Variants in CPQ observed in about 807,000 individuals in gnomAD.
CPQ encodes the protein Ser-Met dipeptidase.
Under a neutral mutation model 45.7 loss-of-function variants are expected in CPQ, and 37 were observed. The ratio of observed to expected loss-of-function variants is 0.81; its 90% CI spans 0.62 to 1.07. CPQ has a LOEUF of 1.07. Ranked by LOEUF, CPQ falls within the 50% of genes least tolerant of loss-of-function variation. The pLI is 0.00. For missense variants in CPQ, 537 were observed against 572.9 expected (o/e 0.94, Z 0.64); for synonymous variants, 186 against 205.8 (o/e 0.90, Z 0.82).
At chr8:96,964,515 G>A (rs1168476927) in intron 4 of CPQ, among the ~76,000 whole-genome samples, 1 of 151,806 alleles carries the variant, frequency 6.6e-6, no homozygotes, top group Admixed American at 6.6e-5. Context: ...TGAATTGTCT[G>A]TTCATATACA....
intron 4 of CPQ, among the ~76,000 whole-genome samples, chr8:96,892,815 C>T (rs1051096416): frequency 4.6e-5 from 7 of 152,086 alleles, no homozygotes; most frequent in African/African-American, 1.7e-4. Flanking sequence ...CTCTTTCCTC[C>T]AATCAAGTCA....
In CPQ at chr8:96,798,852, C is replaced by CAG. The variant is rs368781225; in HGVS notation, c.433+13522_433+13523insAG. 2.3e-3 allele frequency among the ~76,000 whole-genome samples: 347 copies of CAG among 152,180 alleles called. 4 individuals are homozygous for CAG. The highest frequency in any genetic ancestry group is 8.2e-3 in the African/African-American group (339 of 41,506). On this transcript the variant is annotated intron_variant, in intron 2 of 7. Transcript: ENST00000220763. Reference sequence around the variant, plus strand: ...TCACATGGTTATCTCCTCTGAAAAACTGACCTTCTCCATGGTAAAAGCCAC... The same window carrying CAG: ...TCACATGGTTATCTCCTCTGAAAAACAGTGACCTTCTCCATGGTAAAAGCCAC...
At chr8:97,060,436 A>G (rs928480637) in intron 6 of CPQ, among the ~76,000 whole-genome samples, 1 of 152,146 alleles carries the variant, frequency 6.6e-6, no homozygotes, top group African/African-American at 2.4e-5. Flanking sequence ...TGATCTGACC[A>G]TAAGAGGTTA....
In CPQ at chr8:96,997,553, T is replaced by C. The variant is rs1444689055; in HGVS notation, c.961+31507T>C. ...TCTGTTTTTAAATTCCAAATAACATTAGTTGAGAGATGCATCTTTGACATA... is the reference window on the plus strand; with the variant it reads ...TCTGTTTTTAAATTCCAAATAACATCAGTTGAGAGATGCATCTTTGACATA... On this transcript the variant is annotated intron_variant, in intron 5 of 7. Coordinates refer to ENST00000220763, the MANE Select transcript of CPQ (RefSeq NM_016134.4). Among the ~76,000 whole-genome samples, 4 of 152,130 alleles carry C rather than the reference T, an allele frequency of 2.6e-5. No individual in the cohort carries two copies. The East Asian group carries it at 7.7e-4, about 29-fold the overall frequency.
intron 1 of CPQ, among the ~76,000 whole-genome samples, chr8:96,675,620 TAG>T (rs1219769231): frequency 6.6e-6 from 1 of 152,086 alleles, no homozygotes; most frequent in Non-Finnish European, 1.5e-5. Flanking sequence ...TGCATGTATG[TAG>T]ACTCTTCTCC....
At chr8:96,999,348 C>T (rs757972886) in intron 5 of CPQ, among the ~76,000 whole-genome samples, 6 of 151,416 alleles carry the variant, frequency 4.0e-5, no homozygotes, top group Non-Finnish European at 7.4e-5. Context: ...GCTATTAAGC[C>T]TAGAACCCAT....
intron 1 of CPQ, among the ~76,000 whole-genome samples, chr8:96,645,856 T>C (rs1442758326): frequency 6.6e-6 from 1 of 151,598 alleles, no homozygotes; most frequent in African/African-American, 2.4e-5. Context: ...ACCGTGTACT[T>C]TCGCTTTTGA....
At chr8:96,908,967 C>T (rs1437043113) in intron 4 of CPQ, among the ~76,000 whole-genome samples, 1 of 152,136 alleles carries the variant, frequency 6.6e-6, no homozygotes, top group Non-Finnish European at 1.5e-5. Context: ...AGTGTCTCAC[C>T]AACTGTATTT....
chr8:96,779,411 C>T (rs1337295042), intron 1 of CPQ, among the ~76,000 whole-genome samples: 3 of 152,010 alleles, frequency 2.0e-5, no homozygotes, highest in East Asian at 1.9e-4. Context: ...GTTTCTATTT[C>T]GTGTAAATGC....
At chr8:96,869,235 C>T (rs1163846629) in intron 3 of CPQ, among the ~76,000 whole-genome samples, 2 of 151,938 alleles carry the variant, frequency 1.3e-5, no homozygotes, top group Non-Finnish European at 2.9e-5. Flanking sequence ...CAAATTTTGC[C>T]TTCATTTAGA....
intron 1 of CPQ, among the ~76,000 whole-genome samples, chr8:96,779,328 T>G (rs747117825): frequency 8.7e-4 from 132 of 152,150 alleles, no homozygotes; most frequent in Non-Finnish European, 1.6e-3. Context: ...ACTCTATGCA[T>G]GAGAATGTTT....
intron 7 of CPQ, among the ~76,000 whole-genome samples, chr8:97,086,733 T>C (rs1015011302): frequency 1.3e-5 from 2 of 152,188 alleles, no homozygotes; most frequent in African/African-American, 4.8e-5. Context: ...GCTTTGTAGT[T>C]AGCTTAAAAT....
intron 6 of CPQ, among the ~76,000 whole-genome samples, chr8:97,059,454 A>T (rs1352528739): frequency 6.6e-6 from 1 of 152,126 alleles, no homozygotes. Flanking sequence ...TTATGTTATC[A>T]TCCCTTTCCT....
At chr8:96,706,356 T>G (rs111821754) in intron 1 of CPQ, among the ~76,000 whole-genome samples, 3,640 of 152,220 alleles carry the variant, frequency 0.024, 157 homozygotes, top group African/African-American at 0.083. Context: ...CTAAGTAACT[T>G]GGCTGACTGG....
intron 1 of CPQ, among the ~76,000 whole-genome samples, chr8:96,687,212 T>G (rs2130734331): frequency 6.6e-6 from 1 of 150,950 alleles, no homozygotes. Flanking sequence ...TCTTTTTTTC[T>G]TTTTCTTTTT....
chr8:96,797,742 C>T (rs1810952058), intron 2 of CPQ, among the ~76,000 whole-genome samples: 1 of 152,062 alleles, frequency 6.6e-6, no homozygotes, highest in African/African-American at 2.4e-5. Flanking sequence ...CGTAGTGAAA[C>T]TCCCTCACTA....
intron 7 of CPQ, among the ~76,000 whole-genome samples, chr8:97,115,218 G>C (rs1811564310): frequency 6.6e-6 from 1 of 152,140 alleles, no homozygotes; most frequent in African/African-American, 2.4e-5. Context: ...CAAAGCTCAA[G>C]GTCCAGAGTA....
intron 7 of CPQ, among the ~76,000 whole-genome samples, chr8:97,108,969 C>T (rs1319447910): frequency 2.0e-5 from 3 of 152,190 alleles, no homozygotes; most frequent in Non-Finnish European, 4.4e-5. Flanking sequence ...CCGTTCAGCT[C>T]ATCCCTCAGC....
chr8:97,088,825 G>A (rs1278244021), intron 7 of CPQ, among the ~76,000 whole-genome samples: 1 of 152,154 alleles, frequency 6.6e-6, no homozygotes, highest in Non-Finnish European at 1.5e-5. Flanking sequence ...TAGCTCAAAA[G>A]AACAGCTCAA....
Sources: allele counts gnomAD v4.1 joint callset (sites outside exome capture counted in the v4.1 genomes callset), GRCh38; gene constraint gnomAD v4.1.1; transcripts MANE v1.5; gene names NCBI Gene and HGNC (gene_info 2026-07-23, HGNC 2026-07-21).